Variants in POLR1A observed in about 807,000 individuals in gnomAD.
The protein encoded by POLR1A is DNA-directed RNA polymerase I subunit RPA1.
A neutral mutation model predicts 205.3 loss-of-function variants in POLR1A; 84 were observed. The observed-to-expected ratio is 0.41, with a 90% CI of 0.34 to 0.49. The LOEUF is 0.49. Among genes scored for constraint, POLR1A ranks in the 20% least tolerant of loss-of-function variants. The probability of loss-of-function intolerance (pLI) is 0.22; values close to 1 mark genes in which losing one functional copy is unlikely to be tolerated. For missense variants in POLR1A, 1,645 were observed against 2,204.5 expected (o/e 0.75, Z 5.08); for synonymous variants, 799 against 863.7 (o/e 0.93, Z 1.31).
At chr2:86,034,672 C>T (rs753177320) in intron 27 of POLR1A, among the ~76,000 whole-genome samples, 1 of 152,152 alleles carries the variant, frequency 6.6e-6, no homozygotes, top group Non-Finnish European at 1.5e-5. Flanking sequence ...CACATCCAGC[C>T]AGCCGTCCCA....
intron 14 of POLR1A, among the ~76,000 whole-genome samples, chr2:86,058,215 C>T (rs1672932229): frequency 6.6e-6 from 1 of 152,160 alleles, no homozygotes; most frequent in Non-Finnish European, 1.5e-5. Context: ...ATTCTTTTGC[C>T]TCAACCTCCT....
At chr2:86,061,664 T>C (rs1458126437) in intron 14 of POLR1A, among the ~76,000 whole-genome samples, 2 of 152,208 alleles carry the variant, frequency 1.3e-5, no homozygotes, top group East Asian at 1.9e-4. Context: ...AAATACATGA[T>C]GGCATATTCA....
At chr2:86,063,315 G>A (rs1374272327) in intron 14 of POLR1A, among the ~76,000 whole-genome samples, 3 of 86,100 alleles carry the variant, frequency 3.5e-5, no homozygotes, top group Non-Finnish European at 2.2e-5. Flanking sequence ...AGCCTGGGCA[G>A]CAAGAGCAAA....
intron 3 of POLR1A, among the ~76,000 whole-genome samples, chr2:86,092,932 T>G (rs1461418494): frequency 6.6e-6 from 1 of 152,152 alleles, no homozygotes; most frequent in Non-Finnish European, 1.5e-5. Flanking sequence ...ATCTCACTCA[T>G]GATTACAGAG....
chr2:86,043,033 C>T lies in POLR1A; in HGVS notation c.3298G>A (p.Val1100Met), dbSNP rs759256365. 3.1e-6 allele frequency: 5 copies of T among 1,614,062 alleles called. No individual in the cohort carries two copies. In the East Asian group the frequency reaches 8.9e-5, roughly 29 times the overall value. Residue 1100 changes from valine (V) to methionine (M), a missense_variant, in exon 23 of 34, where the codon GTG becomes ATG. Val to Met is a conservative substitution (Grantham distance 21). Around this residue, in one of 16 missense-constraint regions of POLR1A, gnomAD observed 201 missense variants for 222.3 expected, o/e 0.90. Transcript: ENST00000263857. ...LSYSQKIQEA[V>M]KALKLESENR... The stretch of plus-strand genomic sequence containing the variant: ...TCACTCTCAAGTTTCAGGGCTTTCA[C>T]AGCTTCCTGAATTTTCTGGGAATAA...
intron 18 of POLR1A, 111 bp downstream of exon 18, chr2:86,048,773 C>T: frequency 1.1e-6 from 1 of 943,466 alleles, no homozygotes. Context: ...ACCTAGTCAG[C>T]TGTTCAACAG....
Position 86,048,991 on chromosome 2 carries a change from G to C in POLR1A, c.2527C>G (p.Arg843Gly). The part of the protein sequence containing the change: ...LPEAASYDEV[R>G]GKWQDAHLGK... ...AGATGGGCATCCTGCCATTTTCCTC[G>C]GACCTCATCATATGATGCGGCTTCT... The change falls in exon 18 of 34, where the codon CGA (arginine) becomes GGA (glycine). Residue 843 changes from arginine to glycine, a missense_variant. Around this residue, in one of 16 missense-constraint regions of POLR1A, gnomAD observed 339 missense variants for 415.1 expected, o/e 0.82. Coordinates refer to ENST00000263857, the MANE Select transcript of POLR1A (RefSeq NM_015425.6). 6.2e-7 allele frequency: 1 copy of C among 1,614,102 alleles called. No homozygotes were observed. Among genetic ancestry groups the C allele is most frequent in the Non-Finnish European group, 8.5e-7 (1 of 1,179,948 alleles).
intron 9 of POLR1A, among the ~76,000 whole-genome samples, chr2:86,080,494 C>T (rs1673379754): frequency 6.6e-6 from 1 of 152,146 alleles, no homozygotes; most frequent in Admixed American, 6.5e-5. Flanking sequence ...TAGCCCGGAA[C>T]AGCCTAGGTG....
At chr2:86,033,628 T>C (rs780615697) in intron 28 of POLR1A, 33 bp downstream of exon 28, 7 of 1,607,798 alleles carry the variant, frequency 4.4e-6, no homozygotes, top group Non-Finnish European at 5.9e-6. Context: ...GCTGTCCCTG[T>C]GCAACTCTAG....
chr2:86,050,486 G>A (rs1409330006), intron 16 of POLR1A, among the ~76,000 whole-genome samples: 2 of 152,138 alleles, frequency 1.3e-5, no homozygotes, highest in Admixed American at 6.5e-5. Flanking sequence ...TATGGACCCC[G>A]CTAGCTGAGA....
intron 14 of POLR1A, among the ~76,000 whole-genome samples, chr2:86,058,190 T>A (rs1449896014): frequency 6.6e-6 from 1 of 152,180 alleles, no homozygotes; most frequent in East Asian, 1.9e-4. Flanking sequence ...AAGCTCCACC[T>A]CCTGGGTTCA....
chr2:86,061,490 T>C (rs1672995357), intron 14 of POLR1A, among the ~76,000 whole-genome samples: 1 of 152,198 alleles, frequency 6.6e-6, no homozygotes, highest in Non-Finnish European at 1.5e-5. Flanking sequence ...GTTAAACACA[T>C]ATCTTATGAC....
At chr2:86,062,979 T>C (rs1264449923) in intron 14 of POLR1A, among the ~76,000 whole-genome samples, 1 of 152,160 alleles carries the variant, frequency 6.6e-6, no homozygotes, top group East Asian at 1.9e-4. Flanking sequence ...TTAAAGCTCA[T>C]TCAAGAAGTA....
At chr2:86,057,708 C>T (rs1672920329) in intron 14 of POLR1A, among the ~76,000 whole-genome samples, 1 of 152,192 alleles carries the variant, frequency 6.6e-6, no homozygotes, top group African/African-American at 2.4e-5. Context: ...TAAAAGGCTA[C>T]ATATTGTTTG....
At position 86,042,040 on chromosome 2, in the gene POLR1A, C is replaced by G; in HGVS notation, c.3421G>C (p.Ala1141Pro). ...SRRKYQKKAA[A>P]CPDPSLSVWR... ...ACAGACAGACTGGGGTCAGGACAAG[C>G]GGCCGCCTTCTTCTGGTATTTCCTT... Residue 1141 changes from alanine (A) to proline (P), a missense_variant, in exon 24 of 34, where the codon GCT becomes CCT. Ala to Pro is a conservative substitution (Grantham distance 27, BLOSUM62 -1). Coordinates refer to ENST00000263857, the MANE Select transcript of POLR1A (RefSeq NM_015425.6). 1 of 1,613,696 alleles carries G rather than the reference C, an allele frequency of 6.2e-7. No homozygotes were observed. The highest frequency in any genetic ancestry group is 8.5e-7 in the Non-Finnish European group (1 of 1,179,996).
intron 12 of POLR1A, among the ~76,000 whole-genome samples, chr2:86,071,221 C>T (rs1411710268): frequency 1.1e-4 from 1 of 8,912 alleles, no homozygotes; most frequent in Non-Finnish European, 3.1e-4. Flanking sequence ...TCTCTCTCTC[C>T]GTGTGCATGT....
Position 86,105,867 on chromosome 2 carries a change from A to C in POLR1A, c.-91T>G. The C allele has an allele frequency of 8.6e-7, 1 of 1,168,284 alleles. No individual in the cohort carries two copies. Among genetic ancestry groups the C allele is most frequent in the Non-Finnish European group, 1.3e-6 (1 of 796,976 alleles). The allele number at this position is 1,168,284 out of a possible 1,614,324, so 72.4% of individuals were successfully genotyped here. ...ATTCAACCTCAAGCCCGGAGTCACC[A>C]CGCGATTCAACGTGCGCTTGCGCGC... On this transcript the variant is annotated 5_prime_UTR_variant, in exon 1 of 34. Transcript: ENST00000263857.
rs575715384 is a variant in POLR1A at position 86,085,024 on chromosome 2, C to T, written c.731-1856G>A. On this transcript the variant is annotated intron_variant, in intron 6 of 33. Transcript: ENST00000263857. ...TCGACCAGGCTGGAGTGCAGTGGCA[C>T]GATCTTCGCTCACTGCAAGCTCTGC... Among the ~76,000 whole-genome samples the T allele has an allele frequency of 1.4e-4, 21 of 152,206 alleles. 1 individual carries two copies. Among genetic ancestry groups the T allele is most frequent in the Non-Finnish European group, 2.1e-4 (14 of 68,034 alleles).
Position 86,054,278 on chromosome 2 carries a change from C to T in POLR1A, c.2070G>A (p.Thr690=), listed in dbSNP as rs545753325. The part of the protein sequence containing the change: ...PLWTGKQVVS[T]LLINIIPEDH... ...CCTCTGGGATTATATTTATGAGCAG[C>T]GTTGACACAACCTGCAAAGAAAAAG... Residue 690 remains threonine (T), a synonymous_variant, in exon 15 of 34, where the codon ACG becomes ACA. Coordinates refer to ENST00000263857, the MANE Select transcript of POLR1A (RefSeq NM_015425.6). 2.4e-5 allele frequency: 39 copies of T among 1,613,864 alleles called. No individual in the cohort carries two copies. The African/African-American group carries it at 3.5e-4, about 14-fold the overall frequency.
Sources: gnomAD v4.1 joint callset for allele counts (sites outside exome capture counted in the v4.1 genomes callset) on GRCh38, gnomAD v4.1.1 for gene constraint, gnomAD v4.1.1 regional missense constraint, MANE v1.5 for transcripts, NCBI Gene and HGNC (gene_info 2026-07-23, HGNC 2026-07-21) for gene names.